Variants in OPCML observed in about 807,000 individuals in gnomAD.
The protein encoded by OPCML is opioid-binding protein/cell adhesion molecule.
A neutral mutation model predicts 37.8 loss-of-function variants in OPCML; 13 were observed. The ratio of observed to expected loss-of-function variants is 0.34; its 90% CI spans 0.22 to 0.55. The LOEUF is 0.55. OPCML is among the 20% of genes least tolerant of loss of function. OPCML has a pLI of 0.91. For synonymous variants in OPCML, 176 were observed against 168.8 expected (o/e 1.04, Z -0.33); for missense variants, 341 against 435.6 (o/e 0.78, Z 1.93).
chr11:133,378,654 TTTC>T (rs1944865263), intron 1 of OPCML, among the ~76,000 whole-genome samples: 2 of 151,434 alleles, frequency 1.3e-5, no homozygotes, highest in South Asian at 2.1e-4. Flanking sequence ...TGCGAATTTC[TTTC>T]TTTTCTTTCT....
intron 2 of OPCML, among the ~76,000 whole-genome samples, chr11:132,864,406 C>A (rs901656947): frequency 6.6e-6 from 1 of 152,234 alleles, no homozygotes; most frequent in South Asian, 2.1e-4. Flanking sequence ...GTCACTCACT[C>A]ACCACGTAAC....
At position 132,803,218 on chromosome 11, in the gene OPCML, G is replaced by A. The variant is rs569936203; in HGVS notation, c.146+139708C>T. On this transcript the variant is annotated intron_variant, in intron 2 of 7. Transcript: ENST00000524381. ...CCTCCTCCCCACCAGTAAAAGCTAT[G>A]CTCAATACTACTATTAAATTACCCT... Among the ~76,000 whole-genome samples, 18 of 152,234 alleles carry A rather than the reference G, an allele frequency of 1.2e-4. No homozygotes were observed. In the South Asian group the frequency reaches 3.7e-3, roughly 32 times the overall value.
chr11:133,401,889 C>T (rs1279200506), intron 1 of OPCML, among the ~76,000 whole-genome samples: 1 of 152,126 alleles, frequency 6.6e-6, no homozygotes, highest in Non-Finnish European at 1.5e-5. Flanking sequence ...AAGCTGGAGA[C>T]AATACTCACA....
intron 1 of OPCML, among the ~76,000 whole-genome samples, chr11:133,038,514 CT>C (rs1305513271): frequency 1.3e-5 from 2 of 152,018 alleles, no homozygotes; most frequent in African/African-American, 4.8e-5. Flanking sequence ...AATTTTTTTC[CT>C]AAATAATGGC....
intron 2 of OPCML, among the ~76,000 whole-genome samples, chr11:132,905,193 T>C (rs958981972): frequency 6.6e-6 from 1 of 150,396 alleles, no homozygotes; most frequent in Non-Finnish European, 1.5e-5. Context: ...ATCTCACAGA[T>C]CAAGGGACAG....
At chr11:133,201,305 C>CTT (rs71477789) in intron 1 of OPCML, among the ~76,000 whole-genome samples, 54,157 of 147,662 alleles carry the variant, frequency 0.37, 10,404 homozygotes, top group Middle Eastern at 0.47. Flanking sequence ...ACAATGCATG[C>CTT]TTTTTTTTTT....
chr11:133,315,678 G>T (rs1238089174), intron 1 of OPCML, among the ~76,000 whole-genome samples: 1 of 152,056 alleles, frequency 6.6e-6, no homozygotes, highest in Admixed American at 6.5e-5. Context: ...CGTGCTTGTA[G>T]TTCCAGCTAC....
intron 3 of OPCML, among the ~76,000 whole-genome samples, chr11:132,564,428 A>C (rs958622253): frequency 6.6e-6 from 1 of 152,224 alleles, no homozygotes; most frequent in Admixed American, 6.5e-5. Flanking sequence ...GTCAGTTCTC[A>C]GCAATCAGAG....
At chr11:133,312,878 T>C (rs1943098783) in intron 1 of OPCML, among the ~76,000 whole-genome samples, 1 of 152,220 alleles carries the variant, frequency 6.6e-6, no homozygotes, top group Non-Finnish European at 1.5e-5. Context: ...AAAAATCTCA[T>C]AGATTTATAC....
chr11:132,834,619 T>G (rs1157606870), intron 2 of OPCML, among the ~76,000 whole-genome samples: 1 of 152,226 alleles, frequency 6.6e-6, no homozygotes, highest in African/African-American at 2.4e-5. Flanking sequence ...CCTCTGAGTC[T>G]GTGTCTTCAC....
intron 1 of OPCML, among the ~76,000 whole-genome samples, chr11:133,265,665 A>C (rs866548075): frequency 1.3e-5 from 2 of 152,206 alleles, no homozygotes; most frequent in African/African-American, 2.4e-5. Flanking sequence ...GGGTTGGCTC[A>C]GCATCCCTCC....
chr11:132,890,464 C>T (rs1205034410), intron 2 of OPCML, among the ~76,000 whole-genome samples: 1 of 152,044 alleles, frequency 6.6e-6, no homozygotes, highest in Non-Finnish European at 1.5e-5. Context: ...CTAGAGTATG[C>T]TCTTTATTTA....
At chr11:132,711,229 ATGGTTC>A (rs1378013233) in intron 2 of OPCML, among the ~76,000 whole-genome samples, 4 of 152,222 alleles carry the variant, frequency 2.6e-5, no homozygotes, top group Non-Finnish European at 4.4e-5. Context: ...GAACCTTCAT[ATGGTTC>A]TCCGCAAGCG....
intron 1 of OPCML, among the ~76,000 whole-genome samples, chr11:133,358,760 G>T (rs1944347716): frequency 6.6e-6 from 1 of 152,180 alleles, no homozygotes; most frequent in Admixed American, 6.5e-5. Context: ...GCTCAGGAAA[G>T]CCCTGCCTGA....
chr11:133,024,577 G>A (rs1947514139), intron 1 of OPCML: 5 of 985,048 alleles, frequency 5.1e-6, no homozygotes, highest in Non-Finnish European at 6.0e-6. Context: ...AACTACACAG[G>A]GATTTTTGCC....
chr11:132,570,084 T>G (rs2096433822), intron 3 of OPCML, among the ~76,000 whole-genome samples: 1 of 152,220 alleles, frequency 6.6e-6, no homozygotes, highest in African/African-American at 2.4e-5. Flanking sequence ...ATTATTATTT[T>G]CACATTAAAA....
At chr11:133,001,813 T>C (rs977337225) in intron 1 of OPCML, among the ~76,000 whole-genome samples, 2 of 152,204 alleles carry the variant, frequency 1.3e-5, no homozygotes, top group African/African-American at 4.8e-5. Flanking sequence ...GGTGCACCCA[T>C]GATAATTGTG....
At chr11:132,429,912 T>C (rs992945569) in intron 7 of OPCML, among the ~76,000 whole-genome samples, 9 of 151,844 alleles carry the variant, frequency 5.9e-5, no homozygotes, top group Non-Finnish European at 1.3e-4. Flanking sequence ...GGAAGACTGA[T>C]AGGGCAGGTG....
At chr11:132,706,096 G>A (rs117974989) in intron 2 of OPCML, among the ~76,000 whole-genome samples, 1,919 of 152,210 alleles carry the variant, frequency 0.013, 20 homozygotes, top group South Asian at 0.047. Context: ...ATGAGCTACC[G>A]TGACCAGCCA....
Sources: gnomAD v4.1 joint callset for allele counts (sites outside exome capture counted in the v4.1 genomes callset) on GRCh38, gnomAD v4.1.1 for gene constraint, MANE v1.5 for transcripts, NCBI Gene and HGNC (gene_info 2026-07-23, HGNC 2026-07-21) for gene names.